CDKAL1: variants seen among roughly 807,000 people sequenced by gnomAD.
CDKAL1 encodes threonylcarbamoyladenosine tRNA methylthiotransferase.
Under a neutral mutation model 68.2 loss-of-function variants are expected in CDKAL1, and 32 were observed. The ratio of observed to expected loss-of-function variants is 0.47; its 90% confidence interval spans 0.35 to 0.63. The LOEUF (loss-of-function observed/expected upper bound fraction) is 0.63, where lower values mean the gene tolerates loss of function less well. Ranked by LOEUF, CDKAL1 falls within the 30% of genes least tolerant of loss-of-function variation. The probability of loss-of-function intolerance (pLI) is 0.00; values close to 1 mark genes in which losing one functional copy is unlikely to be tolerated. For synonymous variants in CDKAL1, 234 were observed against 244.3 expected (o/e 0.96, Z 0.39); for missense variants, 606 against 696.7 (o/e 0.87, Z 1.47).
At chr6:21,109,122 G>A (rs1278716929) in intron 13 of CDKAL1, among the ~76,000 whole-genome samples, 1 of 151,982 alleles carries the variant, frequency 6.6e-6, no homozygotes, top group African/African-American at 2.4e-5. Context: ...CTTTTAAAAA[G>A]AAAAAATATG....
intron 5 of CDKAL1, among the ~76,000 whole-genome samples, chr6:20,684,635 C>A (rs1320762860): frequency 6.6e-6 from 1 of 152,176 alleles, no homozygotes; most frequent in African/African-American, 2.4e-5. Flanking sequence ...GCATTTGTAT[C>A]CACAATGAAT....
At chr6:20,662,733 T>G (rs1023882011) in intron 5 of CDKAL1, among the ~76,000 whole-genome samples, 1 of 152,156 alleles carries the variant, frequency 6.6e-6, no homozygotes, top group Non-Finnish European at 1.5e-5. Context: ...ATGTTTCCTT[T>G]GCATGTTTAT....
At position 20,652,523 on chromosome 6, in the gene CDKAL1, T is replaced by C. The variant is rs547288709; in HGVS notation, c.371+3146T>C. 4.7e-4 allele frequency among the ~76,000 whole-genome samples: 71 copies of C among 152,302 alleles called. 1 individual carries two copies. The highest frequency in any genetic ancestry group is 1.7e-3 in the African/African-American group (69 of 41,564). ...TTAGAAACCTTCTTCTAGAAATTAT[T>C]TCCTCATTCCATATTTCCAACCTCT... On this transcript the variant is annotated intron_variant, in intron 5 of 15. Transcript: ENST00000274695.
chr6:21,052,724 G>C (rs9358387), intron 11 of CDKAL1, among the ~76,000 whole-genome samples: 1 of 151,972 alleles, frequency 6.6e-6, no homozygotes, highest in Non-Finnish European at 1.5e-5. Context: ...GAACTGTTAA[G>C]ACTTCTTGGC....
At position 21,015,523 on chromosome 6, in the gene CDKAL1, GT is replaced by G. The variant is rs1216528937; in HGVS notation, c.1055+15158del. Among the ~76,000 whole-genome samples, 5 of 151,740 alleles carry G rather than the reference GT, an allele frequency of 3.3e-5. No homozygotes were observed. The East Asian group carries it at 5.8e-4, about 18-fold the overall frequency. On this transcript the variant is annotated intron_variant, in intron 11 of 15. Transcript: ENST00000274695. ...TGGGAAAATACATTATTCTTTTTGA[GT>G]TTTTTTCTTGAAAAAAATTATTTCG...
intron 8 of CDKAL1, among the ~76,000 whole-genome samples, chr6:20,814,010 T>A (rs1181795235): frequency 2.0e-5 from 3 of 152,042 alleles, no homozygotes; most frequent in Admixed American, 1.3e-4. Flanking sequence ...TATGGATCAC[T>A]TGGGGGAGAA....
intron 6 of CDKAL1, among the ~76,000 whole-genome samples, chr6:20,748,135 C>T (rs1219584772): frequency 5.9e-5 from 9 of 152,024 alleles, no homozygotes; most frequent in Admixed American, 5.9e-4. Flanking sequence ...CTCTGAATAG[C>T]CAAAACAGTC....
rs372982979 is a variant in CDKAL1 at position 20,953,435 on chromosome 6, A to C, written c.743-1984A>C. ...ATTAAAATTATTCTGTTCATTTTAA[A>C]ATATTCATATTGTGTTGCTCAAATG... On this transcript the variant is annotated intron_variant, in intron 9 of 15. Transcript: ENST00000274695. Among the ~76,000 whole-genome samples the C allele has an allele frequency of 1.3e-3, 196 of 152,344 alleles. 3 individuals carry two copies. In the Middle Eastern group the frequency reaches 0.014, roughly 11 times the overall value.
At chr6:20,581,364 C>T (rs1765137664) in intron 4 of CDKAL1, among the ~76,000 whole-genome samples, 1 of 152,104 alleles carries the variant, frequency 6.6e-6, no homozygotes, top group Non-Finnish European at 1.5e-5. Flanking sequence ...GTAAAAGATA[C>T]TGAGTTAGAT....
At chr6:20,559,610 A>T (rs979007793) in intron 4 of CDKAL1, 2 of 152,214 alleles carry the variant, frequency 1.3e-5, no homozygotes, top group African/African-American at 4.8e-5. Context: ...CATGTGAGAA[A>T]TAATACTTCA....
intron 7 of CDKAL1, among the ~76,000 whole-genome samples, chr6:20,776,824 G>A (rs930357481): frequency 6.6e-6 from 1 of 152,178 alleles, no homozygotes; most frequent in African/African-American, 2.4e-5. Flanking sequence ...TAAGTCTGTG[G>A]TATTAATGCT....
intron 5 of CDKAL1, among the ~76,000 whole-genome samples, chr6:20,729,434 AT>A (rs1772805244): frequency 1.3e-5 from 2 of 152,150 alleles, no homozygotes; most frequent in African/African-American, 4.8e-5. Flanking sequence ...AGGTTTTTCT[AT>A]GCATGTACCC....
At chr6:20,865,616 ACT>A (rs985459457) in intron 9 of CDKAL1, among the ~76,000 whole-genome samples, 8 of 105,198 alleles carry the variant, frequency 7.6e-5, no homozygotes, top group Admixed American at 4.8e-4. Flanking sequence ...TTTAAAACTA[ACT>A]CTGCTGAAAT....
intron 4 of CDKAL1, among the ~76,000 whole-genome samples, chr6:20,647,581 G>A (rs2127758755): frequency 6.6e-6 from 1 of 152,256 alleles, no homozygotes; most frequent in African/African-American, 2.4e-5. Flanking sequence ...GATTTTCAGT[G>A]TACAAGAATT....
At chr6:20,819,989 C>A (rs114803671) in intron 8 of CDKAL1, among the ~76,000 whole-genome samples, 1 of 152,156 alleles carries the variant, frequency 6.6e-6, no homozygotes, top group Admixed American at 6.5e-5. Flanking sequence ...GTAGAAGAGG[C>A]TTTCTCTGTC....
At chr6:20,595,177 T>A (rs1448180224) in intron 4 of CDKAL1, among the ~76,000 whole-genome samples, 3 of 152,212 alleles carry the variant, frequency 2.0e-5, no homozygotes, top group African/African-American at 7.2e-5. Flanking sequence ...AGGAGTATCT[T>A]TGTGGTGTTC....
chr6:20,825,526 T>C (rs1777467233), intron 8 of CDKAL1, among the ~76,000 whole-genome samples: 1 of 152,060 alleles, frequency 6.6e-6, no homozygotes, highest in South Asian at 2.1e-4. Context: ...TTAGAAACTT[T>C]TGTAGGGTTT....
chr6:20,807,624 TAAAATTAATCC>T (rs60344767), intron 8 of CDKAL1, among the ~76,000 whole-genome samples: 124,242 of 151,566 alleles, frequency 0.82, 51,329 homozygotes, highest in East Asian at 0.91. Context: ...TATTTCCTAA[TAAAATTAATCC>T]AAAATTAATC....
At chr6:20,951,398 T>C (rs968828429) in intron 9 of CDKAL1, among the ~76,000 whole-genome samples, 2 of 152,216 alleles carry the variant, frequency 1.3e-5, no homozygotes, top group East Asian at 1.9e-4. Flanking sequence ...TGAGACTATT[T>C]TATTGAGGAT....
Sources: allele counts gnomAD v4.1 joint callset (sites outside exome capture counted in the v4.1 genomes callset), GRCh38; gene constraint gnomAD v4.1.1; transcripts MANE v1.5; gene names NCBI Gene and HGNC (gene_info 2026-07-23, HGNC 2026-07-21).